Variants in MINAR2 observed in about 807,000 individuals in gnomAD.
MINAR2 encodes the protein membrane integral NOTCH2 associated receptor 2, also known as major intrinsically disordered NOTCH2-binding receptor 1-like.
A neutral mutation model predicts 16.1 loss-of-function variants in MINAR2; 21 were observed. The ratio of observed to expected loss-of-function variants is 1.31; its 90% CI spans 0.93 to 1.88. MINAR2 has a LOEUF of 1.88. MINAR2 is among the 40% of genes most tolerant of loss of function. The pLI, the probability that MINAR2 is intolerant of heterozygous loss-of-function variation, is 0.00. For synonymous variants in MINAR2, 86 were observed against 83.0 expected (o/e 1.04, Z -0.20); for missense variants, 259 against 229.8 (o/e 1.13, Z -0.82).
chr5:129,752,800 G>A (rs1416603465), intron 1 of MINAR2, among the ~76,000 whole-genome samples: 1 of 149,562 alleles, frequency 6.7e-6, no homozygotes, highest in Non-Finnish European at 1.5e-5. Flanking sequence ...TCCATTTATT[G>A]TGGTGGGCCT....
At position 129,748,303 on chromosome 5, in the gene MINAR2, CGG is replaced by C. The variant is rs2149544183; in HGVS notation, c.115_116del (p.Gly39TrpfsTer28). ...CTTCAGGCCAGCCTGGTGAGGTTTCCGGGTGGAAATTATCCTGCTGCACAACA... is the reference window on the plus strand; with the variant it reads ...CTTCAGGCCAGCCTGGTGAGGTTTCCGTGGAAATTATCCTGCTGCACAACA... On this transcript the variant is annotated frameshift_variant, in exon 1 of 3. Transcript: ENST00000564719. LOFTEE classifies it high-confidence loss of function. 1 of 1,535,148 alleles carries C rather than the reference CGG, an allele frequency of 6.5e-7. No homozygotes were observed. Among genetic ancestry groups the C allele is most frequent in the Non-Finnish European group, 8.7e-7 (1 of 1,146,536 alleles).
At chr5:129,763,215 C>T (rs976789950) in intron 2 of MINAR2, among the ~76,000 whole-genome samples, 1 of 152,190 alleles carries the variant, frequency 6.6e-6, no homozygotes, top group Non-Finnish European at 1.5e-5. Flanking sequence ...AGGTCTGAGG[C>T]CTGTTTTACA....
chr5:129,753,937 A>G (rs1758022782), intron 1 of MINAR2, among the ~76,000 whole-genome samples: 1 of 152,206 alleles, frequency 6.6e-6, no homozygotes, highest in Non-Finnish European at 1.5e-5. Flanking sequence ...GCAGGTGCTT[A>G]TATTATCTAC....
rs1758213907 is a variant in MINAR2, at chr5:129,766,400, G to C, written c.*1337G>C. The C allele has an allele frequency of 6.6e-6, 1 of 152,298 alleles. No individual in the cohort carries two copies. The highest frequency in any genetic ancestry group is 1.5e-5 in the Non-Finnish European group (1 of 68,126). 9.4% of individuals were successfully genotyped at this position (152,298 alleles called of 1,614,324 possible). A position where few individuals can be genotyped will look rare whatever the true frequency, so the allele number is the denominator to read the frequency against. On this transcript the variant is annotated 3_prime_UTR_variant, in exon 3 of 3. Transcript: ENST00000564719. ...CGCCTGTAATCCCAGCACTTTGGGAGGCTGAGGTGGGTGGATCATGAGGTC... is the reference window on the plus strand; with the variant it reads ...CGCCTGTAATCCCAGCACTTTGGGACGCTGAGGTGGGTGGATCATGAGGTC...
intron 1 of MINAR2, among the ~76,000 whole-genome samples, chr5:129,750,301 A>T (rs1757970790): frequency 6.6e-6 from 1 of 152,222 alleles, no homozygotes; most frequent in Non-Finnish European, 1.5e-5. Context: ...TGATACCACG[A>T]TAGCATGCCA....
chr5:129,763,362 G>A (rs1758163072), intron 2 of MINAR2, among the ~76,000 whole-genome samples: 1 of 152,052 alleles, frequency 6.6e-6, no homozygotes, highest in Non-Finnish European at 1.5e-5. Context: ...ATCTCATAGA[G>A]CCCCTAACTT....
intron 2 of MINAR2, among the ~76,000 whole-genome samples, chr5:129,763,965 A>G (rs1318515421): frequency 6.6e-6 from 1 of 152,222 alleles, no homozygotes; most frequent in African/African-American, 2.4e-5. Flanking sequence ...AGCAGATGAA[A>G]TATAATGAAG....
In MINAR2 at chr5:129,748,245, G is replaced by C; in HGVS notation, c.55G>C (p.Asp19His). 1.3e-6 allele frequency: 2 copies of C among 1,535,232 alleles called. No homozygotes were observed. Among genetic ancestry groups the C allele is most frequent in the Non-Finnish European group, 1.7e-6 (2 of 1,146,566 alleles). ...CCATCCTGACAAATTCCTGCAGCTTGACGTAAAGTCTTTAACGAGGAGCTC... is the reference window on the plus strand; with the variant it reads ...CCATCCTGACAAATTCCTGCAGCTTCACGTAAAGTCTTTAACGAGGAGCTC... Reference protein sequence around the residue: ...NNHPDKFLQLDVKSLTRSSAL... With the variant: ...NNHPDKFLQLHVKSLTRSSAL... The change falls in exon 1 of 3, where the codon GAC becomes CAC. Residue 19 changes from aspartate (D) to histidine (H), a missense_variant. By Grantham distance (81) the Asp-to-His change is moderately conservative. Coordinates refer to ENST00000564719, the MANE Select transcript of MINAR2 (RefSeq NM_001257308.2).
chr5:129,760,615 AC>A lies in MINAR2; in HGVS notation c.393+11del. The stretch of plus-strand genomic sequence containing the variant: ...CTCTGGACATCTGAAGGTACTCACG[AC>A]TAAGAGTCAACCTCTTCAACTGATA... On this transcript the variant is annotated intron_variant, in intron 2 of 2. Transcript: ENST00000564719. 6.6e-7 allele frequency: 1 copy of A among 1,523,956 alleles called. No individual in the cohort carries two copies. The highest frequency in any genetic ancestry group is 8.8e-7 in the Non-Finnish European group (1 of 1,136,384). 94.4% of individuals were successfully genotyped at this position (1,523,956 alleles called of 1,614,324 possible).
intron 1 of MINAR2, among the ~76,000 whole-genome samples, chr5:129,754,712 C>G (rs1581289707): frequency 6.6e-6 from 1 of 152,092 alleles, no homozygotes; most frequent in East Asian, 1.9e-4. Context: ...CTCATGCATA[C>G]TATTGATCAT....
intron 1 of MINAR2, among the ~76,000 whole-genome samples, chr5:129,753,220 C>T (rs1166970834): frequency 1.3e-4 from 20 of 151,986 alleles, no homozygotes; most frequent in Admixed American, 1.3e-3. Context: ...TGCCATGGCT[C>T]ATGCTGTAAT....
intron 1 of MINAR2, among the ~76,000 whole-genome samples, chr5:129,750,427 T>C (rs1757972353): frequency 6.6e-6 from 1 of 152,280 alleles, no homozygotes; most frequent in African/African-American, 2.4e-5. Flanking sequence ...AGTAAGTCAA[T>C]GGGAAGAACA....
At chr5:129,759,766 T>A (rs888973589) in intron 1 of MINAR2, among the ~76,000 whole-genome samples, 1 of 152,108 alleles carries the variant, frequency 6.6e-6, no homozygotes, top group Non-Finnish European at 1.5e-5. Context: ...TATATATGAA[T>A]ATTATGCTTC....
chr5:129,752,537 G>A (rs1483569743), intron 1 of MINAR2, among the ~76,000 whole-genome samples: 2 of 152,034 alleles, frequency 1.3e-5, no homozygotes, highest in East Asian at 3.9e-4. Flanking sequence ...ACATGTGGAC[G>A]CAGGGAGGGG....
At chr5:129,759,777 A>C (rs1758103864) in intron 1 of MINAR2, among the ~76,000 whole-genome samples, 1 of 151,952 alleles carries the variant, frequency 6.6e-6, no homozygotes, top group South Asian at 2.1e-4. Flanking sequence ...ATTATGCTTC[A>C]ATTTGAAAAG....
chr5:129,749,466 C>T (rs1464098346), intron 1 of MINAR2, among the ~76,000 whole-genome samples: 1 of 152,140 alleles, frequency 6.6e-6, no homozygotes, highest in Non-Finnish European at 1.5e-5. Context: ...CCTATTATGA[C>T]AACTGGCATT....
In MINAR2 at chr5:129,765,204, T is replaced by C. The variant is rs1049921861; in HGVS notation, c.*141T>C. ...TGTTGATTGTATTATTAAATGTAATTGTCCTGAAGAATGTGAATGTCAGGC... is the reference window on the plus strand; with the variant it reads ...TGTTGATTGTATTATTAAATGTAATCGTCCTGAAGAATGTGAATGTCAGGC... On this transcript the variant is annotated 3_prime_UTR_variant, in exon 3 of 3. Coordinates refer to ENST00000564719, the MANE Select transcript of MINAR2 (RefSeq NM_001257308.2). The C allele has an allele frequency of 2.2e-6, 1 of 464,332 alleles. No individual in the cohort carries two copies. The allele number at this position is 464,332 out of a possible 1,614,324, so 28.8% of individuals were successfully genotyped here.
In MINAR2 at chr5:129,764,532, T is replaced by C. The variant is rs566087609; in HGVS notation, c.394-352T>C. Among the ~76,000 whole-genome samples, 10 of 152,334 alleles carry C rather than the reference T, an allele frequency of 6.6e-5. No homozygotes were observed. The East Asian group carries it at 1.7e-3, about 26-fold the overall frequency. On this transcript the variant is annotated intron_variant, in intron 2 of 2. Coordinates refer to ENST00000564719, the MANE Select transcript of MINAR2 (RefSeq NM_001257308.2). ...TGAATTACATGCACTATTTATAGGA[T>C]GTAAGGAACACCAAATTGGCTACAA...
At chr5:129,752,611 T>C (rs557246125) in intron 1 of MINAR2, among the ~76,000 whole-genome samples, 25 of 152,132 alleles carry the variant, frequency 1.6e-4, no homozygotes, top group Admixed American at 6.5e-4. Flanking sequence ...TTAGGACAAA[T>C]ACCTAATGCA....
Sources: gnomAD v4.1 joint callset for allele counts (sites outside exome capture counted in the v4.1 genomes callset) on GRCh38, gnomAD v4.1.1 for gene constraint, MANE v1.5 for transcripts, NCBI Gene and HGNC (gene_info 2026-07-23, HGNC 2026-07-21) for gene names.